DYNLRB1: variants seen among roughly 807,000 people sequenced by gnomAD.
DYNLRB1 encodes the protein ROBL/LC7-like 1.
DYNLRB1 carries 6 observed loss-of-function variants against 13.5 expected under a neutral mutation model. That is an observed-to-expected ratio of 0.44 (90% confidence interval 0.24 to 0.88). DYNLRB1 has a LOEUF of 0.88. Ranked by LOEUF, DYNLRB1 falls within the 40% of genes least tolerant of loss-of-function variation. The pLI is 0.21. For missense variants in DYNLRB1, 93 were observed against 127.2 expected, an observed-to-expected ratio of 0.73 and a Z score of 1.29; for synonymous variants, 43 against 45.0, an observed-to-expected ratio of 0.96 and a Z score of 0.18.
intron 3 of DYNLRB1, among the ~76,000 whole-genome samples, chr20:34,540,061 G>A (rs1347028497): frequency 6.6e-6 from 1 of 152,222 alleles, no homozygotes; most frequent in African/African-American, 2.4e-5. Flanking sequence ...ACACTAAGTA[G>A]CTGGGTAACC....
chr20:34,534,945 C>T, intron 3 of DYNLRB1, 150 bp downstream of exon 3: 1 of 1,499,982 alleles, frequency 6.7e-7, no homozygotes, highest in Non-Finnish European at 8.9e-7. Context: ...ACTGCCTAGC[C>T]AGCCTCCAGC....
At chr20:34,529,766 G>C in intron 2 of DYNLRB1, 1 of 1,169,518 alleles carries the variant, frequency 8.6e-7, no homozygotes, top group Admixed American at 4.1e-5. Context: ...CAAGTCAGCA[G>C]AGCCCTGGCA....
upstream of DYNLRB1, chr20:34,516,289 G>A: frequency 8.8e-7 from 1 of 1,142,758 alleles, no homozygotes; most frequent in Non-Finnish European, 1.2e-6. Context: ...GTGGAAAGCA[G>A]ATTTTCCAAG....
intron 3 of DYNLRB1, 30 bp downstream of exon 3, chr20:34,534,825 A>AG (rs1981013487): frequency 6.2e-7 from 1 of 1,613,696 alleles, no homozygotes; most frequent in Non-Finnish European, 8.5e-7. Context: ...CCCATGTAGG[A>AG]ACAGACCTCA....
chr20:34,516,290 A>AT, upstream of DYNLRB1: 1 of 1,147,996 alleles, frequency 8.7e-7, no homozygotes, highest in Non-Finnish European at 1.2e-6. Flanking sequence ...TGGAAAGCAG[A>AT]TTTTCCAAGA....
At chr20:34,521,909 A>G (rs1391942080) in intron 1 of DYNLRB1, among the ~76,000 whole-genome samples, 1 of 152,028 alleles carries the variant, frequency 6.6e-6, no homozygotes, top group Non-Finnish European at 1.5e-5. Context: ...TTGGCAGTAC[A>G]CATCAGTAGT....
chr20:34,535,464 G>A, intron 3 of DYNLRB1: 1 of 797,366 alleles, frequency 1.3e-6, no homozygotes, highest in Non-Finnish European at 1.5e-6. Context: ...TTCTCAGGGT[G>A]AGGAGATGCT....
At chr20:34,516,808 G>A in intron 1 of DYNLRB1, 1 of 1,550,210 alleles carries the variant, frequency 6.5e-7, no homozygotes, top group Non-Finnish European at 8.7e-7. Flanking sequence ...CGGGAGCTCA[G>A]TTTGTGGCAG....
chr20:34,529,302 T>C (rs1980513085), intron 2 of DYNLRB1, among the ~76,000 whole-genome samples: 1 of 152,234 alleles, frequency 6.6e-6, no homozygotes, highest in Non-Finnish European at 1.5e-5. Flanking sequence ...TGTTCAGTGC[T>C]CTTAGAGAGC....
chr20:34,529,719 A>G, intron 2 of DYNLRB1: 1 of 842,826 alleles, frequency 1.2e-6, no homozygotes, highest in Non-Finnish European at 1.6e-6. Context: ...ACAAGAATGA[A>G]ACTCGGTCTC....
At chr20:34,517,448 A>G (rs1450918738) in intron 1 of DYNLRB1, among the ~76,000 whole-genome samples, 2 of 152,166 alleles carry the variant, frequency 1.3e-5, no homozygotes, top group African/African-American at 4.8e-5. Context: ...TGCTTCAAAT[A>G]TGTATAACTT....
At chr20:34,535,669 A>G (rs2146650079) in intron 3 of DYNLRB1, 1 of 985,288 alleles carries the variant, frequency 1.0e-6, no homozygotes. Flanking sequence ...TGCGTCACGT[A>G]TGCGCGTGAT....
chr20:34,536,472 C>T (rs1036395284), intron 3 of DYNLRB1: 2 of 985,258 alleles, frequency 2.0e-6, no homozygotes, highest in Non-Finnish European at 2.4e-6. Flanking sequence ...CGGGATGGAG[C>T]GCAGTGGCTC....
chr20:34,540,423 C>G (rs1038754147), intron 3 of DYNLRB1, among the ~76,000 whole-genome samples, 158 bp from the exon 4 acceptor site: 1 of 152,188 alleles, frequency 6.6e-6, no homozygotes, highest in African/African-American at 2.4e-5. Context: ...GTTTATCTTC[C>G]GTTTTCCCAG....
chr20:34,517,001 C>T (rs1053637448), intron 1 of DYNLRB1: 3 of 1,247,476 alleles, frequency 2.4e-6, no homozygotes, highest in Non-Finnish European at 3.0e-6. Flanking sequence ...ACGGCCGCCA[C>T]TCTGTCGGCG....
At chr20:34,531,891 A>G (rs896126122) in intron 2 of DYNLRB1, among the ~76,000 whole-genome samples, 1 of 152,246 alleles carries the variant, frequency 6.6e-6, no homozygotes, top group African/African-American at 2.4e-5. Flanking sequence ...GGAAGGAAAG[A>G]AAGTTCCAGG....
chr20:34,529,758 A>T, intron 2 of DYNLRB1: 1 of 1,176,662 alleles, frequency 8.5e-7, no homozygotes. Context: ...TTGATTTCCA[A>T]GTCAGCAGAG....
intron 1 of DYNLRB1, among the ~76,000 whole-genome samples, chr20:34,523,997 G>A (rs190758774): frequency 4.9e-3 from 743 of 152,214 alleles, no homozygotes; most frequent in Non-Finnish European, 8.6e-3. Context: ...TGCAGATTGA[G>A]CTGTCTTAAA....
intron 2 of DYNLRB1, chr20:34,531,142 G>A (rs1233018962): frequency 2.0e-5 from 3 of 152,258 alleles, no homozygotes; most frequent in Non-Finnish European, 4.4e-5. Context: ...TTGGTCTCTT[G>A]TGTTCACTGC....
Sources: gnomAD v4.1 joint callset for allele counts (sites outside exome capture counted in the v4.1 genomes callset) on GRCh38, gnomAD v4.1.1 for gene constraint, MANE v1.5 for transcripts, NCBI Gene and HGNC (gene_info 2026-07-23, HGNC 2026-07-21) for gene names.